Variants in SBK1 observed in about 807,000 individuals in gnomAD.
The protein encoded by SBK1 is SH3 domain binding kinase 1.
SBK1 carries 11 observed loss-of-function variants against 24.4 expected under a neutral mutation model. That is an observed-to-expected ratio of 0.45 (90% CI 0.28 to 0.75). The LOEUF (loss-of-function observed/expected upper bound fraction) is 0.75, where lower values mean the gene tolerates loss of function less well. SBK1 is among the 30% of genes least tolerant of loss of function. The pLI is 0.12. For missense variants in SBK1, 467 were observed against 620.5 expected, an observed-to-expected ratio of 0.75 and a Z score of 2.63; for synonymous variants, 308 against 284.4, an observed-to-expected ratio of 1.08 and a Z score of -0.83.
chr16:28,280,176 T>C, intron 1 of SBK1, among the ~76,000 whole-genome samples: 1 of 126,806 alleles, frequency 7.9e-6, no homozygotes, highest in Non-Finnish European at 1.7e-5. Context: ...TGTGTGTATG[T>C]ATATATACAT....
chr16:28,297,981 G>A (rs887084768), intron 1 of SBK1, among the ~76,000 whole-genome samples: 18 of 152,192 alleles, frequency 1.2e-4, no homozygotes, highest in African/African-American at 4.3e-4. Context: ...TGTGGGTAAA[G>A]CCCTCCTCCT....
At chr16:28,278,999 G>A (rs1199009423) in intron 1 of SBK1, among the ~76,000 whole-genome samples, 2 of 152,182 alleles carry the variant, frequency 1.3e-5, no homozygotes, top group Non-Finnish European at 2.9e-5. Flanking sequence ...GCCAAGGCGG[G>A]TGGATCACTT....
chr16:28,292,363 C>G (rs1596546146), upstream of SBK1, among the ~76,000 whole-genome samples: 2 of 145,992 alleles, frequency 1.4e-5, no homozygotes, highest in Non-Finnish European at 1.5e-5. Context: ...AATCTGCGCT[C>G]CGCGGCGCGC....
intron 1 of SBK1, among the ~76,000 whole-genome samples, chr16:28,261,069 C>T (rs1196943772): frequency 6.6e-6 from 1 of 152,046 alleles, no homozygotes; most frequent in Non-Finnish European, 1.5e-5. Flanking sequence ...GGCCTGGACG[C>T]TGAGCCGGGG....
chr16:28,280,844 T>G (rs952531194), intron 1 of SBK1, among the ~76,000 whole-genome samples: 2 of 152,078 alleles, frequency 1.3e-5, no homozygotes, highest in Non-Finnish European at 2.9e-5. Context: ...TTTGTATTTT[T>G]GGTAGAGATG....
Position 28,321,122 on chromosome 16 carries a change from C to A in SBK1, c.*201C>A. 1 of 421,890 alleles carries A rather than the reference C, an allele frequency of 2.4e-6. No individual in the cohort carries two copies. The highest frequency in any genetic ancestry group is 5.5e-5 in the East Asian group (1 of 18,122). 26.1% of individuals were successfully genotyped at this position (421,890 alleles called of 1,614,324 possible). A position where few individuals can be genotyped will look rare whatever the true frequency, so the allele number is the denominator to read the frequency against. On this transcript the variant is annotated 3_prime_UTR_variant, in exon 4 of 4. Transcript: ENST00000341901. ...AAGACCCCTAGCGCGGCCTGGTGAG[C>A]GGGGGCTTGGCCCAGAGGAGCCAAG...
At chr16:28,295,058 C>T (rs140125797) in intron 1 of SBK1, among the ~76,000 whole-genome samples, 1 of 152,330 alleles carries the variant, frequency 6.6e-6, no homozygotes, top group African/African-American at 2.4e-5. Flanking sequence ...TCATTTCCCC[C>T]CAGTGGGGGT....
At chr16:28,283,420 G>A (rs538183264) in intron 1 of SBK1, among the ~76,000 whole-genome samples, 5 of 152,124 alleles carry the variant, frequency 3.3e-5, no homozygotes, top group African/African-American at 4.8e-5. Flanking sequence ...TGGCTCTGCC[G>A]TCTGCTGTGT....
Position 28,293,167 on chromosome 16 carries a change from G to A in SBK1, c.-141G>A. 2 of 985,660 alleles carry A rather than the reference G, an allele frequency of 2.0e-6. No individual in the cohort carries two copies. Among genetic ancestry groups the A allele is most frequent in the Non-Finnish European group, 2.4e-6 (2 of 830,082 alleles). 61.1% of individuals were successfully genotyped at this position (985,660 alleles called of 1,614,324 possible). ...CCCCCCCTAAAGCTCCAGGACTTGG[G>A]CGACTGAGCCCCTGGCGGCACCGCT... On this transcript the variant is annotated 5_prime_UTR_variant, in exon 1 of 4. Coordinates refer to ENST00000341901, the MANE Select transcript of SBK1 (RefSeq NM_001024401.3).
At chr16:28,263,171 T>G (rs28485127) in intron 1 of SBK1, among the ~76,000 whole-genome samples, 149,654 of 152,308 alleles carry the variant, frequency 0.98, 73,575 homozygotes, top group Middle Eastern at 1. Flanking sequence ...TGCCCAATGT[T>G]CTCATTCATT....
intron 1 of SBK1, among the ~76,000 whole-genome samples, chr16:28,263,027 A>T (rs1046371245): frequency 6.6e-6 from 1 of 152,302 alleles, no homozygotes; most frequent in East Asian, 1.9e-4. Context: ...GAAACCACAC[A>T]TGAGGTTTTT....
At chr16:28,261,076 G>A (rs1043982463) in intron 1 of SBK1, among the ~76,000 whole-genome samples, 1 of 151,984 alleles carries the variant, frequency 6.6e-6, no homozygotes, top group Non-Finnish European at 1.5e-5. Context: ...ACGCTGAGCC[G>A]GGGACCTGAC....
Position 28,317,333 on chromosome 16 carries a change from AG to A in SBK1, c.-7-48del. On this transcript the variant is annotated intron_variant, in intron 1 of 3. Transcript: ENST00000341901. This position sits in a 1 kb window ranked among gnomAD's most constrained non-coding sequence, Gnocchi z 4.2. Reference sequence around the variant, plus strand: ...CTGGGGAGGGCAGAGGGGCTGGAGGAGGGGACCCTTGCCTGATGTCACACTT... The same window carrying A: ...CTGGGGAGGGCAGAGGGGCTGGAGGAGGGACCCTTGCCTGATGTCACACTT... The A allele has an allele frequency of 2.9e-6, 4 of 1,401,888 alleles. No individual in the cohort carries two copies. The East Asian group carries it at 6.9e-5, about 24-fold the overall frequency. 86.8% of individuals were successfully genotyped at this position (1,401,888 alleles called of 1,614,324 possible).
At chr16:28,261,090 T>C (rs1322783630) in intron 1 of SBK1, among the ~76,000 whole-genome samples, 2 of 151,806 alleles carry the variant, frequency 1.3e-5, no homozygotes, top group African/African-American at 4.8e-5. Flanking sequence ...ACCTGACCCA[T>C]AGGCACTGGA....
intron 1 of SBK1, among the ~76,000 whole-genome samples, chr16:28,314,104 G>A (rs1301681189): frequency 1.3e-5 from 2 of 151,750 alleles, no homozygotes; most frequent in Non-Finnish European, 2.9e-5. Context: ...TCGCAAGAAC[G>A]CATCGGGAGA....
At chr16:28,292,519 A>T, upstream of SBK1, 1 of 975,176 alleles carries the variant, frequency 1.0e-6, no homozygotes, top group Non-Finnish European at 1.2e-6. Flanking sequence ...TGGAGGGCGG[A>T]GCCGCGATGC....
chr16:28,271,105 C>T (rs1373374569), intron 1 of SBK1, among the ~76,000 whole-genome samples: 1 of 151,818 alleles, frequency 6.6e-6, no homozygotes, highest in Non-Finnish European at 1.5e-5. Flanking sequence ...CCTTGTGATC[C>T]ACCCGTCTCA....
intron 1 of SBK1, among the ~76,000 whole-genome samples, chr16:28,283,602 G>T (rs1209517340): frequency 6.6e-6 from 1 of 152,136 alleles, no homozygotes; most frequent in Non-Finnish European, 1.5e-5. Flanking sequence ...TGATCAGTGG[G>T]GGCTGGGTCA....
chr16:28,277,840 T>C (rs1182826162), intron 1 of SBK1, among the ~76,000 whole-genome samples: 1 of 152,132 alleles, frequency 6.6e-6, no homozygotes, highest in African/African-American at 2.4e-5. Context: ...GTCCCTCAGA[T>C]CGTCCTGCAC....
Sources: allele counts gnomAD v4.1 joint callset (sites outside exome capture counted in the v4.1 genomes callset), GRCh38; gene constraint gnomAD v4.1.1; non-coding constraint Gnocchi (gnomAD v3.1); transcripts MANE v1.5; gene names NCBI Gene and HGNC (gene_info 2026-07-23, HGNC 2026-07-21).